The following ECI1 variants were observed in gnomAD, a reference collection of about 807,000 sequenced individuals.
ECI1 encodes the protein enoyl-CoA delta isomerase 1.
Under a neutral mutation model 34.2 loss-of-function variants are expected in ECI1, and 34 were observed. The observed-to-expected ratio is 1.00, with a 90% CI of 0.76 to 1.33. The LOEUF is 1.33. Among genes scored for constraint, ECI1 ranks in the 40% most tolerant of loss-of-function variants. The pLI is 0.00. For missense variants in ECI1, 456 were observed against 422.2 expected (o/e 1.08, Z -0.70); for synonymous variants, 211 against 193.0 (o/e 1.09, Z -0.77).
chr16:2,246,149 C>G (rs982955253), intron 3 of ECI1, among the ~76,000 whole-genome samples: 1 of 152,332 alleles, frequency 6.6e-6, no homozygotes, highest in East Asian at 1.9e-4. Flanking sequence ...CCTGACACTG[C>G]TTACTGCCCC....
rs761201754 is a variant in ECI1, at chr16:2,243,375, T to C, written c.506A>G (p.Asn169Ser). 1 of 1,613,474 alleles carries C rather than the reference T, an allele frequency of 6.2e-7. No individual in the cohort carries two copies. Among genetic ancestry groups the C allele is most frequent in the East Asian group, 2.2e-5 (1 of 44,886 alleles). Residue 169 changes from asparagine (N) to serine (S), a missense_variant, in exon 5 of 7, where the codon AAC (asparagine) becomes AGC (serine). Transcript: ENST00000301729. ...ATTGAGTCCTATGCAGTACCTGGGG[T>C]TGTCCGCCAGGATGCGGTAGTCACA... is the stretch of plus-strand genomic sequence containing the variant. ...LTCDYRILAD[N>S]PRYCIGLNET...
At chr16:2,244,939 G>A (rs921388551) in intron 3 of ECI1, among the ~76,000 whole-genome samples, 1 of 152,190 alleles carries the variant, frequency 6.6e-6, no homozygotes, top group Non-Finnish European at 1.5e-5. Flanking sequence ...TCATTTACCC[G>A]CAAAGGGCCA....
In ECI1 at chr16:2,242,795, TGGAACGCA is replaced by T. The variant is rs994738519; in HGVS notation, c.742+243_742+250del. 1.0e-4 allele frequency: 55 copies of T among 546,320 alleles called. 1 individual carries two copies. The Middle Eastern group carries it at 2.4e-3, about 24-fold the overall frequency. The allele number at this position is 546,320 out of a possible 1,614,324, so 33.8% of individuals were successfully genotyped here. On this transcript the variant is annotated intron_variant, in intron 6 of 6. Coordinates refer to ENST00000301729, the MANE Select transcript of ECI1 (RefSeq NM_001919.4). ...TGGGCGGGGCAGGAAGGAGCCTCCCTGGAACGCAGGGAGGAAGTGCAGTCCTGCCCACA... is the reference window on the plus strand; with the variant it reads ...TGGGCGGGGCAGGAAGGAGCCTCCCTGGGAGGAAGTGCAGTCCTGCCCACA...
intron 6 of ECI1, chr16:2,240,568 T>C (rs1005592611): frequency 3.5e-5 from 9 of 255,516 alleles, no homozygotes; most frequent in African/African-American, 2.0e-4. Flanking sequence ...CTGTCGCCCA[T>C]ACTGGAGTGC....
intron 4 of ECI1, chr16:2,244,123 A>C: frequency 1.9e-6 from 1 of 522,126 alleles, no homozygotes; most frequent in South Asian, 2.0e-5. Context: ...CCACTCACCC[A>C]CACAGCCTCC....
chr16:2,244,698 T>C, intron 3 of ECI1, 146 bp from the exon 4 acceptor site: 1 of 834,768 alleles, frequency 1.2e-6, no homozygotes, highest in South Asian at 1.7e-5. Context: ...GAGCCAGGAC[T>C]AGGCGCTCCA....
In ECI1 at chr16:2,250,254, ACATC is replaced by A. The variant is rs1194375199; in HGVS notation, c.166+1058_166+1061del. Among the ~76,000 whole-genome samples, 4 of 113,266 alleles carry A rather than the reference ACATC, an allele frequency of 3.5e-5. No individual in the cohort carries two copies. The South Asian group carries it at 9.0e-4, about 25-fold the overall frequency. The allele number at this position is 113,266 out of a possible 152,430, so 74.3% of individuals were successfully genotyped here. The stretch of plus-strand genomic sequence containing the variant: ...AGTCTGGCGACTGGAGAGCAAGACT[ACATC>A]TCCAAAAAAAAAAAAAAAAAAAAAA... On this transcript the variant is annotated intron_variant, in intron 2 of 6. Coordinates refer to ENST00000301729, the MANE Select transcript of ECI1 (RefSeq NM_001919.4).
chr16:2,241,353 T>G (rs2093527795), intron 6 of ECI1, among the ~76,000 whole-genome samples: 1 of 152,090 alleles, frequency 6.6e-6, no homozygotes, highest in East Asian at 1.9e-4. Context: ...TGGAGCGCAG[T>G]AGCATGATCT....
intron 5 of ECI1, 22 bp from the exon 6 acceptor site, chr16:2,243,246 C>A (rs764694067): frequency 1.2e-6 from 2 of 1,612,864 alleles, no homozygotes; most frequent in East Asian, 4.5e-5. Flanking sequence ...GACACCCACT[C>A]ACCACATGGC....
At position 2,243,214 on chromosome 16, in the gene ECI1, T is replaced by C. The variant is rs1567312880; in HGVS notation, c.574A>G (p.Thr192Ala). 4 of 1,611,836 alleles carry C rather than the reference T, an allele frequency of 2.5e-6. No individual in the cohort carries two copies. Among genetic ancestry groups the C allele is most frequent in the Non-Finnish European group, 3.4e-6 (4 of 1,179,978 alleles). ...CGGTGCCCGATGGTGTTCTCCAGGG[T>C]GTCTTTCAACCTGGAAATGCAGACA... ...GIIAPFWLKD[T>A]LENTIGHRAA... Residue 192 changes from threonine (T) to alanine (A), a missense_variant, in exon 6 of 7, where the codon ACC becomes GCC. Thr to Ala is a moderately conservative substitution (Grantham distance 58, BLOSUM62 0). Coordinates refer to ENST00000301729, the MANE Select transcript of ECI1 (RefSeq NM_001919.4).
At chr16:2,242,090 C>G (rs1416618706) in intron 6 of ECI1, among the ~76,000 whole-genome samples, 3 of 152,076 alleles carry the variant, frequency 2.0e-5, no homozygotes, top group African/African-American at 7.2e-5. Context: ...GATCTCCTGA[C>G]CTTGTGATCC....
rs113774299 is a variant in ECI1 at position 2,240,234 on chromosome 16, C to T, written c.743-89G>A. On this transcript the variant is annotated intron_variant, in intron 6 of 6. Coordinates refer to ENST00000301729, the MANE Select transcript of ECI1 (RefSeq NM_001919.4). Reference sequence around the variant, plus strand: ...TATTTTTTATTTTTATTTTTTGAGACGGAGTCTTGCTCTGTCGCCCAGGCT... The same window carrying T: ...TATTTTTTATTTTTATTTTTTGAGATGGAGTCTTGCTCTGTCGCCCAGGCT... 62 of 1,400,110 alleles carry T rather than the reference C, an allele frequency of 4.4e-5. 2 individuals are homozygous for T. Among genetic ancestry groups the T allele is most frequent in the African/African-American group, 3.4e-4 (24 of 69,858 alleles). The allele number at this position is 1,400,110 out of a possible 1,614,324, so 86.7% of individuals were successfully genotyped here. A position where few individuals can be genotyped will look rare whatever the true frequency, so the allele number is the denominator to read the frequency against.
At chr16:2,241,781 T>C (rs2093528656) in intron 6 of ECI1, 1 of 151,532 alleles carries the variant, frequency 6.6e-6, no homozygotes, top group Non-Finnish European at 1.5e-5. Flanking sequence ...AACCTCTGCC[T>C]CCCAAGTTCA....
At position 2,243,328 on chromosome 16, in the gene ECI1, C is replaced by T. The variant is rs766030120; in HGVS notation, c.553G>A (p.Ala185Thr). ...GLNETQLGII[A>T]PFWLKDTLEN... ...AGCCCAGGGCCTTACCAGAAAGGGG[C>T]GATGATGCCCAGCTGGGTCTCATTG... is the stretch of plus-strand genomic sequence containing the variant. The change falls in exon 5 of 7, where the codon GCC becomes ACC. Residue 185 changes from alanine (A) to threonine (T), a missense_variant. By Grantham distance (58) the Ala-to-Thr change is moderately conservative. Transcript: ENST00000301729. 41 of 1,613,532 alleles carry T rather than the reference C, an allele frequency of 2.5e-5. No homozygotes were observed. Among genetic ancestry groups the T allele is most frequent in the Admixed American group, 3.3e-5 (2 of 60,012 alleles).
rs773973843 is a variant in ECI1, at chr16:2,243,391, G to C, written c.490C>G (p.Arg164Gly). The C allele has an allele frequency of 6.2e-7, 1 of 1,613,600 alleles. No individual in the cohort carries two copies. The highest frequency in any genetic ancestry group is 1.7e-5 in the Admixed American group (1 of 60,026). ...TACCTGGGGTTGTCCGCCAGGATGC[G>C]GTAGTCACAGGTCAGGGCCACCAGG... Reference protein sequence around the residue: ...GCLVALTCDYRILADNPRYCI... With the variant: ...GCLVALTCDYGILADNPRYCI... The change falls in exon 5 of 7, where the codon CGC becomes GGC. Residue 164 changes from arginine (R) to glycine (G), a missense_variant. Physicochemically the swap from Arg to Gly is moderately radical, Grantham distance 125. Transcript: ENST00000301729.
chr16:2,244,347 C>T lies in ECI1; in HGVS notation c.441+59G>A. On this transcript the variant is annotated intron_variant, in intron 4 of 6. Transcript: ENST00000301729. ...TCCAAGGGCAGGACAGTGTCTGTCC[C>T]ACCCCCTGGCGCTGGCCCAGAACAG... 1.9e-6 allele frequency: 3 copies of T among 1,565,916 alleles called. No homozygotes were observed. The South Asian group carries it at 3.4e-5, about 18-fold the overall frequency.
In ECI1 at chr16:2,249,979, G is replaced by A. The variant is rs1297527393; in HGVS notation, c.166+1337C>T. 4.2e-5 allele frequency among the ~76,000 whole-genome samples: 6 copies of A among 142,332 alleles called. No homozygotes were observed. The East Asian group carries it at 6.4e-4, about 15-fold the overall frequency. 93.4% of individuals were successfully genotyped at this position (142,332 alleles called of 152,430 possible). ...GTGAGCCGGAACCGCGCCATTGCAC[G>A]CCAGCCTGGGTGACAGAGGGAGCCT... On this transcript the variant is annotated intron_variant, in intron 2 of 6. Transcript: ENST00000301729.
chr16:2,248,397 C>A (rs1419006789), intron 2 of ECI1, among the ~76,000 whole-genome samples: 1 of 151,462 alleles, frequency 6.6e-6, no homozygotes, highest in African/African-American at 2.4e-5. Context: ...CCATGCCCGG[C>A]CAAATTAACC....
At chr16:2,245,486 C>T (rs908396450) in intron 3 of ECI1, among the ~76,000 whole-genome samples, 3 of 152,248 alleles carry the variant, frequency 2.0e-5, no homozygotes, top group Non-Finnish European at 2.9e-5. Context: ...AACGCAGCTC[C>T]GCTGTTCCCA....
Sources: allele counts gnomAD v4.1 joint callset (sites outside exome capture counted in the v4.1 genomes callset), GRCh38; gene constraint gnomAD v4.1.1; transcripts MANE v1.5; gene names NCBI Gene and HGNC (gene_info 2026-07-23, HGNC 2026-07-21).